COL8A1: variants seen among roughly 807,000 people sequenced by gnomAD.
COL8A1 encodes the protein collagen type VIII alpha 1 chain.
Under a neutral mutation model 42.7 loss-of-function variants are expected in COL8A1, and 21 were observed. The observed-to-expected ratio is 0.49, with a 90% CI of 0.35 to 0.71. The LOEUF is 0.71. Ranked by LOEUF, COL8A1 falls within the 30% of genes least tolerant of loss-of-function variation. The probability of loss-of-function intolerance (pLI) is 0.01; values close to 1 mark genes in which losing one functional copy is unlikely to be tolerated. For missense variants in COL8A1, 788 were observed against 962.4 expected (o/e 0.82, Z 2.40); for synonymous variants, 367 against 369.1 (o/e 0.99, Z 0.06).
intron 1 of COL8A1, among the ~76,000 whole-genome samples, chr3:99,640,807 C>T (rs1937493253): frequency 6.6e-6 from 1 of 152,122 alleles, no homozygotes; most frequent in Admixed American, 6.5e-5. Context: ...TAGTCGCCCC[C>T]AAATCTCCCC....
At chr3:99,720,095 T>G (rs1055539105) in intron 1 of COL8A1, among the ~76,000 whole-genome samples, 2 of 152,158 alleles carry the variant, frequency 1.3e-5, no homozygotes, top group Non-Finnish European at 2.9e-5. Context: ...CTGAACCTTA[T>G]GAACCCATAC....
chr3:99,649,520 G>A (rs1231138595), intron 1 of COL8A1, among the ~76,000 whole-genome samples: 1 of 152,116 alleles, frequency 6.6e-6, no homozygotes, highest in African/African-American at 2.4e-5. Context: ...TGATGTGATT[G>A]GGGTATATCT....
chr3:99,669,151 G>GGGAGA (rs1938463615), intron 1 of COL8A1, among the ~76,000 whole-genome samples: 20 of 114,060 alleles, frequency 1.8e-4, no homozygotes, highest in African/African-American at 5.8e-4. Context: ...ATATATAGAG[G>GGGAGA]GAGAGAGAGA....
Position 99,795,200 on chromosome 3 carries a change from T to C in COL8A1, c.1299T>C (p.Leu433=), listed in dbSNP as rs1211443444. ...GPPGPKGEPG[L]QGFPGKPGFL... Reference sequence around the variant, plus strand: ...CAGGTCCCAAGGGTGAGCCAGGGCTTCAAGGCTTCCCAGGAAAGCCAGGTT... The same window carrying C: ...CAGGTCCCAAGGGTGAGCCAGGGCTCCAAGGCTTCCCAGGAAAGCCAGGTT... The change falls in exon 4 of 4, where the codon CTT becomes CTC. Residue 433 remains leucine, a synonymous_variant. Transcript: ENST00000652472. 1 of 1,613,430 alleles carries C rather than the reference T, an allele frequency of 6.2e-7. No homozygotes were observed. The highest frequency in any genetic ancestry group is 8.5e-7 in the Non-Finnish European group (1 of 1,179,770).
intron 2 of COL8A1, among the ~76,000 whole-genome samples, chr3:99,750,299 C>T (rs900119959): frequency 8.6e-5 from 13 of 151,922 alleles, no homozygotes; most frequent in African/African-American, 2.9e-4. Flanking sequence ...TCCAGGAATC[C>T]GCCCACCTCA....
intron 1 of COL8A1, among the ~76,000 whole-genome samples, chr3:99,658,134 A>C (rs559311618): frequency 1.6e-4 from 24 of 151,456 alleles, no homozygotes; most frequent in Middle Eastern, 3.4e-3. Flanking sequence ...AAAAACAAAA[A>C]AAAAAAAACA....
At chr3:99,758,714 T>C (rs1941307967) in intron 2 of COL8A1, among the ~76,000 whole-genome samples, 1 of 152,180 alleles carries the variant, frequency 6.6e-6, no homozygotes, top group South Asian at 2.1e-4. Flanking sequence ...AAGATACAAG[T>C]CGTCTGTAAA....
At chr3:99,646,218 TA>T (rs969342240) in intron 1 of COL8A1, among the ~76,000 whole-genome samples, 2 of 151,852 alleles carry the variant, frequency 1.3e-5, no homozygotes, top group East Asian at 1.9e-4. Context: ...ATTAGGACCA[TA>T]AAAAAAATCC....
At chr3:99,703,734 G>A (rs906671978) in intron 1 of COL8A1, 1 of 152,178 alleles carries the variant, frequency 6.6e-6, no homozygotes, top group Non-Finnish European at 1.5e-5. Flanking sequence ...TCTTTGCCAG[G>A]CCTGCCCAGC....
chr3:99,716,650 T>C (rs1447209022), intron 1 of COL8A1, among the ~76,000 whole-genome samples: 2 of 151,896 alleles, frequency 1.3e-5, no homozygotes, highest in African/African-American at 4.8e-5. Flanking sequence ...ATGATCCCCC[T>C]CCTCAAAAGC....
At chr3:99,724,657 G>A (rs1021912476) in intron 1 of COL8A1, among the ~76,000 whole-genome samples, 3 of 152,058 alleles carry the variant, frequency 2.0e-5, no homozygotes, top group Non-Finnish European at 4.4e-5. Context: ...GACCCAAGAA[G>A]ACAGAGATAA....
At chr3:99,641,247 A>G (rs1405211461) in intron 1 of COL8A1, among the ~76,000 whole-genome samples, 2 of 152,150 alleles carry the variant, frequency 1.3e-5, no homozygotes, top group East Asian at 3.8e-4. Flanking sequence ...ACGAAACGCA[A>G]CTTCTCCCAA....
Position 99,795,865 on chromosome 3 carries a change from G to A in COL8A1, c.1964G>A (p.Cys655Tyr). ...NYNPQTGIFT[C>Y]EVPGVYYFAY... ...AACCCGCAGACAGGCATCTTCACCT[G>A]TGAGGTCCCTGGTGTCTACTACTTT... Residue 655 changes from cysteine (C) to tyrosine (Y), a missense_variant, in exon 4 of 4, where the codon TGT becomes TAT. By Grantham distance (194) the Cys-to-Tyr change is radical. Coordinates refer to ENST00000652472, the MANE Select transcript of COL8A1 (RefSeq NM_020351.4). 6.2e-7 allele frequency: 1 copy of A among 1,614,198 alleles called. No homozygotes were observed. Among genetic ancestry groups the A allele is most frequent in the Non-Finnish European group, 8.5e-7 (1 of 1,180,030 alleles).
At chr3:99,746,138 A>G (rs1941020883) in intron 2 of COL8A1, among the ~76,000 whole-genome samples, 1 of 152,190 alleles carries the variant, frequency 6.6e-6, no homozygotes, top group African/African-American at 2.4e-5. Context: ...CATTGACTGC[A>G]TCCTGTCTAG....
At chr3:99,790,617 A>G in intron 2 of COL8A1, 63 bp from the exon 3 acceptor site, 2 of 1,393,164 alleles carry the variant, frequency 1.4e-6, no homozygotes, top group East Asian at 4.6e-5. Flanking sequence ...CTATCTCTAA[A>G]TAAACTCAAG....
At chr3:99,733,676 G>A (rs900972009) in intron 1 of COL8A1, among the ~76,000 whole-genome samples, 16 of 151,694 alleles carry the variant, frequency 1.1e-4, no homozygotes, top group African/African-American at 2.9e-4. Flanking sequence ...TAATGGGATG[G>A]CTGGGTCAAA....
chr3:99,736,742 T>G (rs1940730146), intron 1 of COL8A1, among the ~76,000 whole-genome samples: 1 of 152,006 alleles, frequency 6.6e-6, no homozygotes, highest in African/African-American at 2.4e-5. Context: ...TAGATGTCTA[T>G]TAGGTCCGCT....
At chr3:99,716,229 T>A (rs1023876663) in intron 1 of COL8A1, among the ~76,000 whole-genome samples, 1 of 152,028 alleles carries the variant, frequency 6.6e-6, no homozygotes, top group Non-Finnish European at 1.5e-5. Context: ...TTACTAAAAC[T>A]TGTTGATGCA....
intron 1 of COL8A1, among the ~76,000 whole-genome samples, chr3:99,724,029 C>A (rs1940232469): frequency 6.6e-6 from 1 of 152,064 alleles, no homozygotes; most frequent in Non-Finnish European, 1.5e-5. Flanking sequence ...ATTGCAAGCT[C>A]CTGAAGGTGA....
Sources: gnomAD v4.1 joint callset for allele counts (sites outside exome capture counted in the v4.1 genomes callset) on GRCh38, gnomAD v4.1.1 for gene constraint, MANE v1.5 for transcripts, NCBI Gene and HGNC (gene_info 2026-07-23, HGNC 2026-07-21) for gene names.